Variants in ARHGEF7 observed in about 807,000 individuals in gnomAD.
ARHGEF7 encodes the protein PAK-interacting exchange factor beta.
ARHGEF7 carries 33 observed loss-of-function variants against 109.8 expected under a neutral mutation model. The ratio of observed to expected loss-of-function variants is 0.30; its 90% confidence interval spans 0.23 to 0.40. ARHGEF7 has a LOEUF of 0.40. Among genes scored for constraint, ARHGEF7 ranks in the 10% least tolerant of loss-of-function variants. The probability of loss-of-function intolerance (pLI) is 1.00; values close to 1 mark genes in which losing one functional copy is unlikely to be tolerated. For missense variants in ARHGEF7, 938 were observed against 1,098.5 expected (o/e 0.85, Z 2.07); for synonymous variants, 458 against 424.6 (o/e 1.08, Z -0.97).
chr13:111,121,601 T>C (rs1388934785), intron 1 of ARHGEF7, among the ~76,000 whole-genome samples: 1 of 152,090 alleles, frequency 6.6e-6, no homozygotes, highest in African/African-American at 2.4e-5. Flanking sequence ...CCCACGCGTC[T>C]CTCACTGCAC....
At chr13:111,205,132 A>G (rs1365254630) in intron 2 of ARHGEF7, among the ~76,000 whole-genome samples, 157 bp from the exon 3 acceptor site, 1 of 152,272 alleles carries the variant, frequency 6.6e-6, no homozygotes, top group East Asian at 1.9e-4. Context: ...TTCTTACCTC[A>G]GGACTGAGAG....
In ARHGEF7 at chr13:111,181,500, G is replaced by GT. The variant is rs201001504; in HGVS notation, c.253-23781dup. On this transcript the variant is annotated intron_variant, in intron 2 of 21. Coordinates refer to ENST00000646102, the MANE Select transcript of ARHGEF7 (RefSeq NM_001354046.2). ...CTGGGGCATTTCTTGGATAGATCAT[G>GT]TTTTTTTTAAACAACAACAACAACT... Among the ~76,000 whole-genome samples the GT allele has an allele frequency of 4.8e-3, 730 of 152,078 alleles. 5 individuals are homozygous for GT. Among genetic ancestry groups the GT allele is most frequent in the African/African-American group, 0.016 (666 of 41,456 alleles).
At chr13:111,220,179 G>A (rs1164719008) in intron 5 of ARHGEF7, among the ~76,000 whole-genome samples, 1 of 152,224 alleles carries the variant, frequency 6.6e-6, no homozygotes, top group Non-Finnish European at 1.5e-5. Context: ...TGGGCCGAGA[G>A]GCCTGAGGTG....
At chr13:111,194,171 T>A (rs2080230658) in intron 2 of ARHGEF7, among the ~76,000 whole-genome samples, 1 of 152,214 alleles carries the variant, frequency 6.6e-6, no homozygotes, top group South Asian at 2.1e-4. Flanking sequence ...GGTTGTGGGG[T>A]TGTCCCACGA....
chr13:111,247,802 A>G (rs1595150014), intron 8 of ARHGEF7, among the ~76,000 whole-genome samples: 2 of 152,162 alleles, frequency 1.3e-5, no homozygotes, highest in Non-Finnish European at 2.9e-5. Context: ...CAGTGGCAGC[A>G]GTGGAGTTGT....
chr13:111,286,447 G>A (rs746656454), intron 17 of ARHGEF7, among the ~76,000 whole-genome samples: 24 of 152,140 alleles, frequency 1.6e-4, no homozygotes, highest in Non-Finnish European at 3.4e-4. Flanking sequence ...TGAAGCCTCC[G>A]TGCCAGTCCC....
At chr13:111,274,841 G>C (rs146944286) in intron 11 of ARHGEF7, 51 bp downstream of exon 11, 2 of 1,173,830 alleles carry the variant, frequency 1.7e-6, no homozygotes, top group African/African-American at 1.6e-5. Context: ...TGTGACAAAT[G>C]AATGTAAAAG....
intron 15 of ARHGEF7, among the ~76,000 whole-genome samples, chr13:111,281,466 G>C (rs916805637): frequency 9.9e-5 from 15 of 152,174 alleles, no homozygotes; most frequent in Admixed American, 6.5e-5. Flanking sequence ...TTCTTCATGT[G>C]AAGGTTGTAG....
chr13:111,220,047 C>T (rs1336815049), intron 5 of ARHGEF7, among the ~76,000 whole-genome samples: 1 of 151,242 alleles, frequency 6.6e-6, no homozygotes, highest in Non-Finnish European at 1.5e-5. Context: ...TGGCACTGGC[C>T]TGCATGAGCC....
Position 111,115,338 on chromosome 13 carries a change from C to T in ARHGEF7, c.-189C>T. 1 of 218,184 alleles carries T rather than the reference C, an allele frequency of 4.6e-6. No individual in the cohort carries two copies. The highest frequency in any genetic ancestry group is 7.6e-6 in the Non-Finnish European group (1 of 131,346). The allele number at this position is 218,184 out of a possible 1,614,324, so 13.5% of individuals were successfully genotyped here. ...GGTTCCCGAGCCGCTCCTGAGAAGG[C>T]GCCTGACAGCGGGCCGGGGCGCACG... On this transcript the variant is annotated 5_prime_UTR_variant, in exon 1 of 22. Coordinates refer to ENST00000646102, the MANE Select transcript of ARHGEF7 (RefSeq NM_001354046.2).
rs749430992 is a variant in ARHGEF7 at position 111,273,920 on chromosome 13, A to G, written c.1180A>G (p.Thr394Ala). 42 of 1,614,020 alleles carry G rather than the reference A, an allele frequency of 2.6e-5. No homozygotes were observed. The highest frequency in any genetic ancestry group is 1.3e-5 in the Non-Finnish European group (15 of 1,180,028). The part of the protein sequence containing the change: ...KPFMRLDKYP[T>A]LLKELERHME... ...CTTCATGCGCCTGGATAAATACCCT[A>G]CGCTGCTCAAAGAGCTCGAGAGACA... The change falls in exon 10 of 22, where the codon ACG becomes GCG. Residue 394 changes from threonine to alanine, a missense_variant. Physicochemically the swap from Thr to Ala is moderately conservative, Grantham distance 58. This residue lies in a region of ARHGEF7 where 585 missense variants were observed against 723.6 expected (regional missense o/e 0.81). Coordinates refer to ENST00000646102, the MANE Select transcript of ARHGEF7 (RefSeq NM_001354046.2). The surrounding 1 kb of genome is among the most constrained non-coding windows in gnomAD (Gnocchi z 4.5).
intron 2 of ARHGEF7, among the ~76,000 whole-genome samples, chr13:111,169,353 C>A (rs757946356): frequency 2.0e-5 from 3 of 152,102 alleles, no homozygotes; most frequent in South Asian, 4.1e-4. Flanking sequence ...TTGTCATCTG[C>A]CCTGTTTCTG....
intron 19 of ARHGEF7, chr13:111,292,999 T>G (rs1053126033): frequency 1.0e-6 from 1 of 985,408 alleles, no homozygotes; most frequent in Non-Finnish European, 1.2e-6. Context: ...GAGCTCTCCT[T>G]TCCAAAGGCA....
chr13:111,135,064 C>T (rs1429838102), intron 1 of ARHGEF7, among the ~76,000 whole-genome samples: 2 of 152,184 alleles, frequency 1.3e-5, no homozygotes, highest in East Asian at 3.8e-4. Context: ...GGAATCCTTT[C>T]CCCATTTCTT....
chr13:111,169,577 T>C (rs972085445), intron 2 of ARHGEF7, among the ~76,000 whole-genome samples: 9 of 152,154 alleles, frequency 5.9e-5, no homozygotes, highest in African/African-American at 1.7e-4. Flanking sequence ...ACCTCCAACA[T>C]TGGGGATTAT....
chr13:111,209,998 GT>G lies in ARHGEF7; in HGVS notation c.467del (p.Leu156TrpfsTer3). ...AAACTGTTCCAGGGCCAGTATCGGA[GT>G]TTGGTAAGTTTGAGAGATTTTGTTA... is the stretch of plus-strand genomic sequence containing the variant. ...TSKLFQGQYR[S>X]LDMTDNSNNQ... On this transcript the variant is annotated frameshift_variant, in exon 4 of 22. Transcript: ENST00000646102. LOFTEE classifies it high-confidence loss of function. 6.2e-7 allele frequency: 1 copy of G among 1,614,204 alleles called. No individual in the cohort carries two copies. Among genetic ancestry groups the G allele is most frequent in the Non-Finnish European group, 8.5e-7 (1 of 1,180,030 alleles).
intron 1 of ARHGEF7, among the ~76,000 whole-genome samples, chr13:111,130,682 C>T (rs368560508): frequency 2.6e-5 from 4 of 152,330 alleles, no homozygotes; most frequent in African/African-American, 7.2e-5. Flanking sequence ...AAGAATTACA[C>T]GAACTGATTG....
rs561770218 is a variant in ARHGEF7 at position 111,263,778 on chromosome 13, T to G, written c.951-3770T>G. Among the ~76,000 whole-genome samples, 4 of 151,948 alleles carry G rather than the reference T, an allele frequency of 2.6e-5. No individual in the cohort carries two copies. In the East Asian group the frequency reaches 7.7e-4, roughly 29 times the overall value. On this transcript the variant is annotated intron_variant, in intron 8 of 21. Transcript: ENST00000646102. ...CATCACCTGCTCAGATGTCAGAAGA[T>G]TCTCAAAACCTGTGTGTCTTAAAGG...
intron 5 of ARHGEF7, among the ~76,000 whole-genome samples, chr13:111,232,371 C>T (rs938051229): frequency 6.6e-6 from 1 of 152,138 alleles, no homozygotes; most frequent in Non-Finnish European, 1.5e-5. Flanking sequence ...GACAGACCCA[C>T]CCGCACAGCC....
Sources: gnomAD v4.1 joint callset for allele counts (sites outside exome capture counted in the v4.1 genomes callset) on GRCh38, gnomAD v4.1.1 for gene constraint, gnomAD v4.1.1 regional missense constraint, Gnocchi (gnomAD v3.1) non-coding constraint, MANE v1.5 for transcripts, NCBI Gene and HGNC (gene_info 2026-07-23, HGNC 2026-07-21) for gene names.